RTN4RL1: variants seen among roughly 807,000 people sequenced by gnomAD.
RTN4RL1 encodes reticulon 4 receptor like 1.
Under a neutral mutation model 25.6 loss-of-function variants are expected in RTN4RL1, and 7 were observed. The observed-to-expected ratio is 0.27, with a 90% CI of 0.16 to 0.51. The LOEUF is 0.51. Ranked by LOEUF, RTN4RL1 falls within the 20% of genes least tolerant of loss-of-function variation. RTN4RL1 has a pLI of 0.97. For missense variants in RTN4RL1, 500 were observed against 615.6 expected, an observed-to-expected ratio of 0.81 and a Z score of 1.99; for synonymous variants, 297 against 288.2, an observed-to-expected ratio of 1.03 and a Z score of -0.31.
rs547794785 is a variant in RTN4RL1, at chr17:1,975,759, T to G, written c.14-37951A>C. Among the ~76,000 whole-genome samples the G allele has an allele frequency of 9.2e-5, 14 of 152,346 alleles. No individual in the cohort carries two copies. In the South Asian group the frequency reaches 2.5e-3, roughly 27 times the overall value. ...GCAAGCTAAGGCCACATCATCTCAC[T>G]GAACCCTGCACCATTTGCAGATTTA... On this transcript the variant is annotated intron_variant, in intron 1 of 1. Transcript: ENST00000331238.
chr17:1,988,799 C>G (rs2066897926), intron 1 of RTN4RL1, among the ~76,000 whole-genome samples: 1 of 150,816 alleles, frequency 6.6e-6, no homozygotes, highest in Non-Finnish European at 1.5e-5. Flanking sequence ...AGGAATTGTC[C>G]AGGTAAGCAG....
chr17:1,958,532 C>T (rs1915835090), intron 1 of RTN4RL1, among the ~76,000 whole-genome samples: 1 of 152,222 alleles, frequency 6.6e-6, no homozygotes, highest in East Asian at 1.9e-4. Flanking sequence ...GTAATACCAT[C>T]ATCGGTATCA....
chr17:1,951,018 C>G (rs181651784), intron 1 of RTN4RL1, among the ~76,000 whole-genome samples: 1,634 of 152,098 alleles, frequency 0.011, 27 homozygotes, highest in Non-Finnish European at 0.01. Flanking sequence ...GTAATCCCAG[C>G]ACTTTGGGAG....
chr17:2,004,395 AAAAAC>A (rs1361726735), intron 1 of RTN4RL1, among the ~76,000 whole-genome samples: 8 of 151,270 alleles, frequency 5.3e-5, no homozygotes, highest in African/African-American at 1.9e-4. Context: ...AAAAAAAGCA[AAAAAC>A]AAAACAAAGA....
chr17:1,937,174 C>T lies in RTN4RL1; in HGVS notation c.648G>A (p.Ala216=), dbSNP rs9903800. ...ENQLQWVHHK[A]FHDLRRLTTL... ...TGGTCAGCCTGCGGAGGTCGTGGAA[C>T]GCCTTGTGGTGGACCCACTGCAGCT... Residue 216 remains alanine (A), a synonymous_variant, in exon 2 of 2, where the codon GCG becomes GCA. Coordinates refer to ENST00000331238, the MANE Select transcript of RTN4RL1 (RefSeq NM_178568.4). 1,158,425 of 1,611,848 alleles carry T rather than the reference C, an allele frequency of 0.72. 418,143 individuals are homozygous for T. Among genetic ancestry groups the T allele is most frequent in the African/African-American group, 0.75 (55,983 of 74,962 alleles).
chr17:2,011,948 A>G (rs1203497164), intron 1 of RTN4RL1, among the ~76,000 whole-genome samples: 1 of 152,048 alleles, frequency 6.6e-6, no homozygotes, highest in Admixed American at 6.6e-5. Flanking sequence ...TTTAAACCGC[A>G]GGCCTGAGCA....
chr17:1,980,347 A>T (rs550577131), intron 1 of RTN4RL1, among the ~76,000 whole-genome samples: 9 of 151,758 alleles, frequency 5.9e-5, no homozygotes, highest in African/African-American at 1.9e-4. Flanking sequence ...CTAAGATTAC[A>T]GGCATCAGCC....
Position 1,935,854 on chromosome 17 carries a change from G to T in RTN4RL1, c.*642C>A. Reference sequence around the variant, plus strand: ...GATGAAGTTCTAGATTTCAGCCTCTGATGATCTTTCCTTTGGTAATTGGTT... The same window carrying T: ...GATGAAGTTCTAGATTTCAGCCTCTTATGATCTTTCCTTTGGTAATTGGTT... On this transcript the variant is annotated 3_prime_UTR_variant, in exon 2 of 2. Transcript: ENST00000331238. 1.0e-6 allele frequency: 1 copy of T among 985,054 alleles called. No individual in the cohort carries two copies. Among genetic ancestry groups the T allele is most frequent in the Non-Finnish European group, 1.2e-6 (1 of 829,756 alleles). 61.0% of individuals were successfully genotyped at this position (985,054 alleles called of 1,614,324 possible).
chr17:1,939,156 T>G (rs949657992), intron 1 of RTN4RL1, among the ~76,000 whole-genome samples: 5 of 151,534 alleles, frequency 3.3e-5, no homozygotes, highest in East Asian at 1.9e-4. Flanking sequence ...ATCGAGACCA[T>G]CCTGGCTAAC....
intron 1 of RTN4RL1, among the ~76,000 whole-genome samples, chr17:1,958,730 G>A (rs1020924845): frequency 2.0e-5 from 3 of 152,232 alleles, no homozygotes; most frequent in Non-Finnish European, 2.9e-5. Context: ...CGGGCCGGCC[G>A]GCCAGATCAA....
intron 1 of RTN4RL1, among the ~76,000 whole-genome samples, chr17:1,991,288 G>C (rs1368906213): frequency 6.6e-6 from 1 of 152,040 alleles, no homozygotes; most frequent in African/African-American, 2.4e-5. Context: ...TGTAGGGAGG[G>C]AGAGGAGCTG....
intron 1 of RTN4RL1, among the ~76,000 whole-genome samples, chr17:2,015,420 G>A (rs141822846): frequency 2.6e-5 from 4 of 152,270 alleles, no homozygotes; most frequent in Non-Finnish European, 4.4e-5. Context: ...GTCAATGGCC[G>A]GCCACTGCAG....
chr17:1,989,666 C>T lies in RTN4RL1; in HGVS notation c.13+35187G>A, dbSNP rs565804532. Among the ~76,000 whole-genome samples the T allele has an allele frequency of 2.6e-4, 39 of 152,224 alleles. 1 individual carries two copies. The South Asian group carries it at 7.5e-3, about 29-fold the overall frequency. On this transcript the variant is annotated intron_variant, in intron 1 of 1. Transcript: ENST00000331238. ...TCGGTTCACTGCCACCTCCACCTCC[C>T]GGTTTCAAGCAATTCTTCTGCCTCA...
chr17:1,975,432 C>T (rs2066838795), intron 1 of RTN4RL1, among the ~76,000 whole-genome samples: 1 of 152,148 alleles, frequency 6.6e-6, no homozygotes, highest in Admixed American at 6.6e-5. Flanking sequence ...GGGTGGATCA[C>T]TTGAGGTCAG....
intron 1 of RTN4RL1, among the ~76,000 whole-genome samples, chr17:2,005,739 TTCTCTCTCTCTCTC>T (rs61209329): frequency 3.4e-4 from 49 of 145,220 alleles, no homozygotes; most frequent in Admixed American, 2.7e-3. Flanking sequence ...CTCTCTCTCT[TTCTCTCTCTCTCTC>T]TCTCTCTCTC....
chr17:1,967,704 A>G (rs2066798438), intron 1 of RTN4RL1, among the ~76,000 whole-genome samples: 1 of 151,302 alleles, frequency 6.6e-6, no homozygotes, highest in Non-Finnish European at 1.5e-5. Context: ...CAATGGCGCC[A>G]TCTCAGCTCA....
Position 1,939,135 on chromosome 17 carries a change from G to A in RTN4RL1, c.14-1327C>T, listed in dbSNP as rs574538532. Among the ~76,000 whole-genome samples, 19 of 152,044 alleles carry A rather than the reference G, an allele frequency of 1.2e-4. No homozygotes were observed. In the East Asian group the frequency reaches 1.9e-3, roughly 16 times the overall value. On this transcript the variant is annotated intron_variant, in intron 1 of 1. Transcript: ENST00000331238. ...TGGGAGGCCGAGGCGGGCGGATCAC[G>A]AGGTCAGGAGATCGAGACCATCCTG...
At position 1,937,525 on chromosome 17, in the gene RTN4RL1, G is replaced by A. The variant is rs745911430; in HGVS notation, c.297C>T (p.Phe99=). 1.4e-5 allele frequency: 22 copies of A among 1,613,880 alleles called. No homozygotes were observed. The highest frequency in any genetic ancestry group is 1.1e-4 in the South Asian group (10 of 91,072). ...CGAGGTCCAGCTCCTCCAGGTGCAC[G>A]AAGCCCTCGAAGGTGCTGGGGTGGA... ...TYIHPSTFEG[F]VHLEELDLGD... is the part of the protein sequence containing the mutation. Residue 99 remains phenylalanine (F), a synonymous_variant, in exon 2 of 2, where the codon TTC becomes TTT. Transcript: ENST00000331238.
At chr17:1,966,241 A>G (rs2066790831) in intron 1 of RTN4RL1, among the ~76,000 whole-genome samples, 1 of 152,166 alleles carries the variant, frequency 6.6e-6, no homozygotes, top group Admixed American at 6.5e-5. Flanking sequence ...TGAGAGCTGA[A>G]CACTCTGCAA....
Sources: allele counts gnomAD v4.1 joint callset (sites outside exome capture counted in the v4.1 genomes callset), GRCh38; gene constraint gnomAD v4.1.1; transcripts MANE v1.5; gene names NCBI Gene and HGNC (gene_info 2026-07-23, HGNC 2026-07-21).